PDE3B: variants seen among roughly 807,000 people sequenced by gnomAD.
PDE3B encodes phosphodiesterase 3B.
Under a neutral mutation model 116.8 loss-of-function variants are expected in PDE3B, and 66 were observed. That is an observed-to-expected ratio of 0.56 (90% CI 0.46 to 0.69). The LOEUF (loss-of-function observed/expected upper bound fraction) is 0.69. Ranked by LOEUF, PDE3B falls within the 30% of genes least tolerant of loss-of-function variation. The pLI, the probability that PDE3B is intolerant of heterozygous loss-of-function variation, is 0.00. For missense variants in PDE3B, 1,384 were observed against 1,368.1 expected (o/e 1.01, Z -0.18); for synonymous variants, 595 against 533.6 (o/e 1.12, Z -1.59).
rs1555008312 is a variant in PDE3B at position 14,867,692 on chromosome 11, G to C, written c.3073G>C (p.Gly1025Arg). 1 of 1,613,588 alleles carries C rather than the reference G, an allele frequency of 6.2e-7. No individual in the cohort carries two copies. The highest frequency in any genetic ancestry group is 1.1e-5 in the South Asian group (1 of 91,076). ...EAEEDNDTES[G>R]DDEDGEELDT... ...AGAAGAGGATAATGATACTGAAAGT[G>C]GTGATGATGAAGACGGTGAAGAATT... The change falls in exon 15 of 16, where the codon GGT (glycine) becomes CGT (arginine). Residue 1025 changes from glycine to arginine, a missense_variant. Gly to Arg is a moderately radical substitution (Grantham distance 125, BLOSUM62 -2). Coordinates refer to ENST00000282096, the MANE Select transcript of PDE3B (RefSeq NM_000922.4).
chr11:14,659,604 C>T (rs1317162389), intron 1 of PDE3B, among the ~76,000 whole-genome samples: 1 of 152,164 alleles, frequency 6.6e-6, no homozygotes, highest in African/African-American at 2.4e-5. Context: ...TTTCACCACC[C>T]AGGTATTAAG....
intron 1 of PDE3B, among the ~76,000 whole-genome samples, chr11:14,749,583 C>T (rs571314486): frequency 1.3e-5 from 2 of 152,096 alleles, no homozygotes; most frequent in African/African-American, 4.8e-5. Context: ...GCTTTTATGA[C>T]TCCACAATCT....
intron 1 of PDE3B, among the ~76,000 whole-genome samples, chr11:14,706,535 A>C (rs1855540953): frequency 6.6e-6 from 1 of 151,880 alleles, no homozygotes; most frequent in Non-Finnish European, 1.5e-5. Flanking sequence ...ACTACTCAAT[A>C]ATTATTTGCC....
At chr11:14,681,557 T>A (rs867932445) in intron 1 of PDE3B, among the ~76,000 whole-genome samples, 2 of 152,220 alleles carry the variant, frequency 1.3e-5, no homozygotes, top group Non-Finnish European at 2.9e-5. Context: ...GTCTCAGGTA[T>A]GTCTTTATTA....
At chr11:14,760,607 G>T (rs930536902) in intron 1 of PDE3B, among the ~76,000 whole-genome samples, 7 of 152,124 alleles carry the variant, frequency 4.6e-5, no homozygotes, top group African/African-American at 1.7e-4. Context: ...TCAAAATCAA[G>T]TTTAATGGGG....
chr11:14,832,228 TAAC>T (rs1477086632), intron 9 of PDE3B, among the ~76,000 whole-genome samples: 1 of 152,198 alleles, frequency 6.6e-6, no homozygotes, highest in African/African-American at 2.4e-5. Context: ...TGGGTCCGCA[TAAC>T]AGCATCAGAT....
intron 1 of PDE3B, among the ~76,000 whole-genome samples, chr11:14,687,328 T>G (rs1854906807): frequency 6.6e-6 from 1 of 152,146 alleles, no homozygotes; most frequent in Non-Finnish European, 1.5e-5. Flanking sequence ...TTATGGTAAA[T>G]TTATAATGTT....
At chr11:14,815,135 A>C (rs78880100) in intron 5 of PDE3B, among the ~76,000 whole-genome samples, 1 of 148,820 alleles carries the variant, frequency 6.7e-6, no homozygotes, top group South Asian at 2.1e-4. Context: ...AGACTCCATC[A>C]AAAAAAAAAG....
chr11:14,644,226 C>G lies in PDE3B; in HGVS notation c.151C>G (p.Leu51Val), dbSNP rs868708899. The G allele has an allele frequency of 6.3e-7, 1 of 1,589,342 alleles. No individual in the cohort carries two copies. The highest frequency in any genetic ancestry group is 8.5e-7 in the Non-Finnish European group (1 of 1,174,544). ...CCCTCCGCGCGGCTTCTTCTTCCAC[C>G]TCTGCCGCTTCTGCAACGTGGAGCT... ...QDPPRGFFFH[L>V]CRFCNVELRP... The change falls in exon 1 of 16, where the codon CTC becomes GTC. Residue 51 changes from leucine (L) to valine (V), a missense_variant. Leu to Val is a conservative substitution (Grantham distance 32, BLOSUM62 1). Around this residue, in one of 2 missense-constraint regions of PDE3B, gnomAD observed 956 missense variants for 806.8 expected, o/e 1.18. Transcript: ENST00000282096.
intron 15 of PDE3B, among the ~76,000 whole-genome samples, chr11:14,868,744 T>C (rs1215456269): frequency 6.6e-6 from 1 of 152,232 alleles, no homozygotes. Flanking sequence ...GCCTTGTATT[T>C]AGGATTAGCA....
At chr11:14,649,339 C>G (rs1360961938) in intron 1 of PDE3B, among the ~76,000 whole-genome samples, 1 of 152,134 alleles carries the variant, frequency 6.6e-6, no homozygotes, top group Non-Finnish European at 1.5e-5. Context: ...AAATATAGGA[C>G]AGGTTCAGAG....
At chr11:14,868,596 TG>T (rs1446796765) in intron 15 of PDE3B, among the ~76,000 whole-genome samples, 1 of 152,184 alleles carries the variant, frequency 6.6e-6, no homozygotes, top group Non-Finnish European at 1.5e-5. Context: ...TTTGTAATTG[TG>T]AATGAAATCA....
rs74973947 is a variant in PDE3B at position 14,692,529 on chromosome 11, G to A, written c.978+47476G>A. Among the ~76,000 whole-genome samples, 326 of 151,974 alleles carry A rather than the reference G, an allele frequency of 2.1e-3. 7 individuals carry two copies. The East Asian group carries it at 0.051, about 24-fold the overall frequency. ...CAGCATATGCTCACTTTGTATCTTC[G>A]TATCACATTTTGGTAATTCTTGCGA... On this transcript the variant is annotated intron_variant, in intron 1 of 15. Transcript: ENST00000282096.
chr11:14,674,180 T>C, intron 1 of PDE3B: 1 of 1,276,312 alleles, frequency 7.8e-7, no homozygotes, highest in Non-Finnish European at 1.1e-6. Flanking sequence ...GTCTCACTGG[T>C]ACTGCCACCA....
intron 13 of PDE3B, among the ~76,000 whole-genome samples, chr11:14,860,878 A>G: frequency 6.6e-6 from 1 of 151,150 alleles, no homozygotes; most frequent in East Asian, 1.9e-4. Flanking sequence ...ATTTTTTGAT[A>G]TTGTGTATGT....
At position 14,711,234 on chromosome 11, in the gene PDE3B, A is replaced by G. The variant is rs191919605; in HGVS notation, c.979-60703A>G. 4.4e-3 allele frequency among the ~76,000 whole-genome samples: 671 copies of G among 152,326 alleles called. 4 individuals are homozygous for G. Among genetic ancestry groups the G allele is most frequent in the Non-Finnish European group, 7.1e-3 (480 of 68,030 alleles). On this transcript the variant is annotated intron_variant, in intron 1 of 15. Coordinates refer to ENST00000282096, the MANE Select transcript of PDE3B (RefSeq NM_000922.4). Reference sequence around the variant, plus strand: ...AAAGATATAATGGATAAAAGGGATAAAATTACATTTGCAGTTATTTGTTTT... The same window carrying G: ...AAAGATATAATGGATAAAAGGGATAGAATTACATTTGCAGTTATTTGTTTT...
At chr11:14,847,271 A>G (rs1331173544) in intron 12 of PDE3B, among the ~76,000 whole-genome samples, 1 of 151,706 alleles carries the variant, frequency 6.6e-6, no homozygotes, top group African/African-American at 2.4e-5. Flanking sequence ...AGGCAGAAAT[A>G]AAGATGTTCT....
intron 1 of PDE3B, among the ~76,000 whole-genome samples, chr11:14,669,605 TC>T (rs1313515046): frequency 8.2e-6 from 1 of 121,876 alleles, no homozygotes; most frequent in Admixed American, 8.5e-5. Context: ...ATGCTATCCC[TC>T]CCCCCTCCCC....
intron 5 of PDE3B, among the ~76,000 whole-genome samples, chr11:14,814,844 C>T (rs1276494775): frequency 6.6e-6 from 1 of 152,054 alleles, no homozygotes; most frequent in Non-Finnish European, 1.5e-5. Context: ...CACCTGTAGT[C>T]CCAGCTACTT....
Sources: gnomAD v4.1 joint callset for allele counts (sites outside exome capture counted in the v4.1 genomes callset) on GRCh38, gnomAD v4.1.1 for gene constraint, gnomAD v4.1.1 regional missense constraint, MANE v1.5 for transcripts, NCBI Gene and HGNC (gene_info 2026-07-23, HGNC 2026-07-21) for gene names.